Variants in STK32B observed in about 807,000 individuals in gnomAD.
The protein encoded by STK32B is serine/threonine kinase 32B.
Under a neutral mutation model 52.6 loss-of-function variants are expected in STK32B, and 43 were observed. The ratio of observed to expected loss-of-function variants is 0.82; its 90% CI spans 0.64 to 1.05. The LOEUF (loss-of-function observed/expected upper bound fraction) is 1.05. Ranked by LOEUF, STK32B falls within the 50% of genes least tolerant of loss-of-function variation. The pLI is 0.00. For synonymous variants in STK32B, 238 were observed against 204.3 expected (o/e 1.17, Z -1.41); for missense variants, 621 against 534.6 (o/e 1.16, Z -1.59).
intron 4 of STK32B, among the ~76,000 whole-genome samples, chr4:5,388,928 C>A (rs1399866784): frequency 6.6e-6 from 1 of 152,154 alleles, no homozygotes; most frequent in Admixed American, 6.5e-5. Context: ...ATCCAGGCCC[C>A]ATGGAGTGGC....
chr4:5,391,472 A>G (rs886229564), intron 4 of STK32B, among the ~76,000 whole-genome samples: 7 of 152,224 alleles, frequency 4.6e-5, no homozygotes, highest in Admixed American at 1.3e-4. Context: ...GTACCTGGGT[A>G]GACATGAATT....
At chr4:5,027,621 G>A in the STK32B span, among the ~76,000 whole-genome samples, 1 of 152,108 alleles carries the variant, frequency 6.6e-6, no homozygotes, top group South Asian at 2.1e-4. Flanking sequence ...TGAAAAGCTG[G>A]AGTGACTGTG....
At chr4:5,297,357 T>A (rs1475832683) in intron 3 of STK32B, among the ~76,000 whole-genome samples, 3 of 152,206 alleles carry the variant, frequency 2.0e-5, no homozygotes, top group African/African-American at 7.2e-5. Context: ...TCCTGGATAA[T>A]AACCTGAAGT....
At chr4:5,198,885 A>G (rs1721904307) in intron 3 of STK32B, among the ~76,000 whole-genome samples, 1 of 150,064 alleles carries the variant, frequency 6.7e-6, no homozygotes, top group South Asian at 2.1e-4. Context: ...CCTGCTGCGC[A>G]CAGTGTTTAT....
At chr4:5,159,676 T>TATATATATGAATATATATGA (rs1310321001) in intron 2 of STK32B, among the ~76,000 whole-genome samples, 2 of 58,630 alleles carry the variant, frequency 3.4e-5, no homozygotes, top group Non-Finnish European at 6.4e-5. Context: ...TGTATATGAA[T>TATATATATGAATATATATGA]ATATATATGA....
intron 3 of STK32B, among the ~76,000 whole-genome samples, chr4:5,327,167 C>A (rs1017074999): frequency 6.6e-6 from 1 of 151,882 alleles, no homozygotes; most frequent in Non-Finnish European, 1.5e-5. Context: ...ACTTTTGCTA[C>A]TTTTACCACG....
At chr4:5,312,758 T>A (rs1192476834) in intron 3 of STK32B, among the ~76,000 whole-genome samples, 1 of 152,112 alleles carries the variant, frequency 6.6e-6, no homozygotes, top group Non-Finnish European at 1.5e-5. Context: ...CGTGTGCATG[T>A]GTCTTTATAG....
intron 3 of STK32B, among the ~76,000 whole-genome samples, chr4:5,301,475 T>A (rs1729549958): frequency 6.6e-6 from 1 of 151,948 alleles, no homozygotes; most frequent in South Asian, 2.1e-4. Context: ...TTTTTCAGAT[T>A]TTCTATTTCT....
At chr4:5,357,106 CACACAT>C (rs1270093464) in intron 4 of STK32B, among the ~76,000 whole-genome samples, 2 of 146,876 alleles carry the variant, frequency 1.4e-5, no homozygotes, top group African/African-American at 5.0e-5. Context: ...CACACACACA[CACACAT>C]ATATATACAC....
At chr4:5,188,744 A>G (rs368154227) in intron 3 of STK32B, among the ~76,000 whole-genome samples, 3 of 151,536 alleles carry the variant, frequency 2.0e-5, no homozygotes, top group African/African-American at 7.3e-5. Flanking sequence ...ACTAGAAGAA[A>G]GATGTCTCTC....
rs536384978 is a variant in STK32B, at chr4:5,329,752, G to GC, written c.261-1463dup. ...TCATGATCTGGGGACGCAATAAACA[G>GC]CCCCCTTCCTTGCCTTAATTCTGAA... On this transcript the variant is annotated intron_variant, in intron 3 of 11. Coordinates refer to ENST00000282908, the MANE Select transcript of STK32B (RefSeq NM_018401.3). Among the ~76,000 whole-genome samples, 155 of 152,312 alleles carry GC rather than the reference G, an allele frequency of 1.0e-3. 1 individual carries two copies. Among genetic ancestry groups the GC allele is most frequent in the African/African-American group, 3.6e-3 (150 of 41,580 alleles).
rs771042556 is a variant in STK32B, at chr4:5,331,303, A to G, written c.344A>G (p.Asn115Ser). Residue 115 changes from asparagine (N) to serine (S), a missense_variant, in exon 4 of 12, where the codon AAT becomes AGT. Asn to Ser is a conservative substitution (Grantham distance 46, BLOSUM62 1). Transcript: ENST00000282908. ...GGDLRYHLQQ[N>S]VHFTEGTVKL... ...GACCTGCGCTACCATCTGCAGCAGA[A>G]TGTGCATTTCACAGAGGGGACTGTG... is the stretch of plus-strand genomic sequence containing the variant. The G allele has an allele frequency of 6.2e-7, 1 of 1,613,942 alleles. No individual in the cohort carries two copies. Among genetic ancestry groups the G allele is most frequent in the Non-Finnish European group, 8.5e-7 (1 of 1,179,910 alleles).
chr4:5,070,470 G>A (rs1005602286), intron 1 of STK32B, among the ~76,000 whole-genome samples: 1 of 152,128 alleles, frequency 6.6e-6, no homozygotes, highest in Non-Finnish European at 1.5e-5. Context: ...GGCTTGAGGG[G>A]AAAACAATAA....
chr4:5,494,854 T>C (rs893270358), intron 11 of STK32B, among the ~76,000 whole-genome samples: 2 of 152,220 alleles, frequency 1.3e-5, no homozygotes, highest in Non-Finnish European at 2.9e-5. Context: ...TGGCGGGATA[T>C]GAAATTCTGG....
At chr4:5,140,252 C>A (rs1335949493) in intron 2 of STK32B, 9 of 1,423,946 alleles carry the variant, frequency 6.3e-6, no homozygotes, top group Admixed American at 2.1e-5. Flanking sequence ...TGAAAAAAAA[C>A]CCATAAACAT....
intron 4 of STK32B, among the ~76,000 whole-genome samples, chr4:5,392,141 A>T (rs905422257): frequency 1.3e-5 from 2 of 152,260 alleles, no homozygotes; most frequent in Non-Finnish European, 2.9e-5. Context: ...ATAATTTTTT[A>T]AAATCAAATC....
intron 6 of STK32B, chr4:5,432,165 A>G (rs1357806917): frequency 6.6e-6 from 1 of 152,228 alleles, no homozygotes; most frequent in Admixed American, 6.5e-5. Context: ...TCTGAAACTC[A>G]AAAGTTAAAT....
At chr4:5,046,217 C>G in the STK32B span, among the ~76,000 whole-genome samples, 1 of 152,156 alleles carries the variant, frequency 6.6e-6, no homozygotes, top group Non-Finnish European at 1.5e-5. Context: ...CACCACACAT[C>G]TACAACCACC....
chr4:5,350,784 A>G (rs1733775305), intron 4 of STK32B, among the ~76,000 whole-genome samples: 3 of 152,146 alleles, frequency 2.0e-5, no homozygotes, highest in Admixed American at 6.5e-5. Flanking sequence ...TGAAAGTAAA[A>G]GGATAGAAAA....
Sources: allele counts gnomAD v4.1 joint callset (sites outside exome capture counted in the v4.1 genomes callset), GRCh38; gene constraint gnomAD v4.1.1; transcripts MANE v1.5; gene names NCBI Gene and HGNC (gene_info 2026-07-23, HGNC 2026-07-21).